UBE2E2: variants seen among roughly 807,000 people sequenced by gnomAD.
UBE2E2 encodes ubiquitin-conjugating enzyme E2 E2.
Under a neutral mutation model 24.7 loss-of-function variants are expected in UBE2E2, and 6 were observed. The ratio of observed to expected loss-of-function variants is 0.24; its 90% CI spans 0.13 to 0.48. UBE2E2 has a LOEUF of 0.48. Among genes scored for constraint, UBE2E2 ranks in the 20% least tolerant of loss-of-function variants. The pLI is 0.99. For missense variants in UBE2E2, 169 were observed against 245.0 expected (o/e 0.69, Z 2.07); for synonymous variants, 104 against 83.6 (o/e 1.24, Z -1.33).
At chr3:23,469,413 G>A (rs1289182997) in intron 3 of UBE2E2, among the ~76,000 whole-genome samples, 1 of 152,082 alleles carries the variant, frequency 6.6e-6, no homozygotes, top group African/African-American at 2.4e-5. Flanking sequence ...GTAACAAATA[G>A]AGAAAAATTG....
chr3:23,232,577 T>G (rs1697003172), intron 3 of UBE2E2, among the ~76,000 whole-genome samples: 1 of 152,182 alleles, frequency 6.6e-6, no homozygotes. Flanking sequence ...CCTCAAAAAT[T>G]GAATAAATGT....
intron 3 of UBE2E2, among the ~76,000 whole-genome samples, chr3:23,490,787 C>G (rs1004775992): frequency 2.6e-5 from 4 of 152,110 alleles, no homozygotes; most frequent in African/African-American, 9.7e-5. Context: ...TTCTTACTCT[C>G]TGCTAAGTTG....
chr3:23,219,506 CA>C (rs1277934973), intron 3 of UBE2E2, among the ~76,000 whole-genome samples: 2 of 152,144 alleles, frequency 1.3e-5, no homozygotes, highest in African/African-American at 4.8e-5. Context: ...TATTTTTGGT[CA>C]AAGTTAACAG....
At chr3:23,265,504 T>C (rs1698024285) in intron 3 of UBE2E2, among the ~76,000 whole-genome samples, 1 of 151,612 alleles carries the variant, frequency 6.6e-6, no homozygotes, top group Admixed American at 6.6e-5. Context: ...GGGTAAAACA[T>C]GGAATAAGCT....
At chr3:23,301,380 T>C (rs1203815797) in intron 3 of UBE2E2, among the ~76,000 whole-genome samples, 1 of 152,218 alleles carries the variant, frequency 6.6e-6, no homozygotes, top group Non-Finnish European at 1.5e-5. Context: ...GTTTTCACTT[T>C]TTCTGCTCTG....
At chr3:23,451,450 AG>A (rs1313470499) in intron 3 of UBE2E2, among the ~76,000 whole-genome samples, 1 of 152,196 alleles carries the variant, frequency 6.6e-6, no homozygotes, top group Non-Finnish European at 1.5e-5. Flanking sequence ...TAATTTGAGC[AG>A]GGTTGCTGAG....
intron 3 of UBE2E2, among the ~76,000 whole-genome samples, chr3:23,226,739 G>C (rs969883491): frequency 6.6e-6 from 1 of 152,164 alleles, no homozygotes; most frequent in Non-Finnish European, 1.5e-5. Context: ...GGTAAGATTT[G>C]TTAGGACTTT....
intron 4 of UBE2E2, among the ~76,000 whole-genome samples, chr3:23,513,839 T>C (rs1694666273): frequency 6.6e-6 from 1 of 152,248 alleles, no homozygotes; most frequent in African/African-American, 2.4e-5. Flanking sequence ...CTTTTTTTTA[T>C]TGAAAGTAAG....
chr3:23,409,172 G>C (rs772437806), intron 3 of UBE2E2, among the ~76,000 whole-genome samples: 2 of 152,058 alleles, frequency 1.3e-5, no homozygotes, highest in Non-Finnish European at 2.9e-5. Flanking sequence ...ATGTGCCTTG[G>C]GATGAATGTA....
At chr3:23,205,824 T>G (rs988074183) in intron 1 of UBE2E2, among the ~76,000 whole-genome samples, 2 of 152,210 alleles carry the variant, frequency 1.3e-5, no homozygotes, top group African/African-American at 4.8e-5. Context: ...TCCTCTAATA[T>G]TCGGCAGTAG....
chr3:23,541,559 T>A (rs536955805), intron 5 of UBE2E2, among the ~76,000 whole-genome samples: 3 of 152,344 alleles, frequency 2.0e-5, no homozygotes, highest in African/African-American at 7.2e-5. Context: ...GCAGGTCTGT[T>A]CCTGGAAAAA....
At chr3:23,404,865 T>G (rs1697318176) in intron 3 of UBE2E2, among the ~76,000 whole-genome samples, 1 of 152,240 alleles carries the variant, frequency 6.6e-6, no homozygotes, top group South Asian at 2.1e-4. Context: ...AATTATATTA[T>G]GCAGTTACAA....
intron 3 of UBE2E2, among the ~76,000 whole-genome samples, chr3:23,370,968 T>A (rs1288094580): frequency 6.6e-6 from 1 of 152,156 alleles, no homozygotes; most frequent in Non-Finnish European, 1.5e-5. Flanking sequence ...GTAGTTAGAG[T>A]CTGAGTAACT....
intron 4 of UBE2E2, among the ~76,000 whole-genome samples, chr3:23,519,177 A>G (rs1269896045): frequency 6.6e-6 from 1 of 152,170 alleles, no homozygotes; most frequent in Non-Finnish European, 1.5e-5. Flanking sequence ...GTCATATATC[A>G]AGCAAGAATT....
chr3:23,496,012 C>T (rs1699590562), intron 3 of UBE2E2, among the ~76,000 whole-genome samples: 1 of 152,172 alleles, frequency 6.6e-6, no homozygotes, highest in Non-Finnish European at 1.5e-5. Context: ...CCCCATTCCA[C>T]CTCATCCCTT....
intron 4 of UBE2E2, among the ~76,000 whole-genome samples, chr3:23,503,485 C>T (rs935159844): frequency 6.6e-6 from 1 of 152,124 alleles, no homozygotes; most frequent in African/African-American, 2.4e-5. Flanking sequence ...CCACCACGCC[C>T]GGCCAGAAGT....
At chr3:23,576,653 A>ATAT (rs753627379) in intron 5 of UBE2E2, among the ~76,000 whole-genome samples, 8 of 152,162 alleles carry the variant, frequency 5.3e-5, no homozygotes, top group Non-Finnish European at 1.0e-4. Flanking sequence ...TTATCTACTT[A>ATAT]TATTCTTCTA....
At chr3:23,410,760 C>T (rs953964719) in intron 3 of UBE2E2, among the ~76,000 whole-genome samples, 7 of 152,098 alleles carry the variant, frequency 4.6e-5, no homozygotes, top group African/African-American at 1.2e-4. Context: ...CCCCTACTCT[C>T]AAGACATTTA....
intron 3 of UBE2E2, among the ~76,000 whole-genome samples, chr3:23,433,032 T>A (rs1205602224): frequency 6.6e-6 from 1 of 151,964 alleles, no homozygotes; most frequent in Non-Finnish European, 1.5e-5. Flanking sequence ...TATGATGCCT[T>A]TAATACTTTA....
Sources: allele counts gnomAD v4.1 joint callset (sites outside exome capture counted in the v4.1 genomes callset), GRCh38; gene constraint gnomAD v4.1.1; transcripts MANE v1.5; gene names NCBI Gene and HGNC (gene_info 2026-07-23, HGNC 2026-07-21).